Variants in TMEM131 observed in about 807,000 individuals in gnomAD.
The protein encoded by TMEM131 is 2610524E03Rik.
In TMEM131, 66 loss-of-function variants were observed where a neutral mutation model predicts 211.6. The observed-to-expected ratio is 0.31, with a 90% confidence interval of 0.26 to 0.38. TMEM131 has a LOEUF of 0.38. Among genes scored for constraint, TMEM131 ranks in the 10% least tolerant of loss-of-function variants. TMEM131 has a pLI of 1.00. For synonymous variants in TMEM131, 844 were observed against 841.3 expected (o/e 1.00, Z -0.06); for missense variants, 2,036 against 2,299.3 (o/e 0.89, Z 2.34).
At chr2:97,980,161 T>C (rs1679723099) in intron 1 of TMEM131, among the ~76,000 whole-genome samples, 1 of 151,962 alleles carries the variant, frequency 6.6e-6, no homozygotes, top group South Asian at 2.1e-4. Context: ...ACATCAAAGA[T>C]CACTGATTGC....
chr2:97,828,402 C>T (rs958736055), intron 11 of TMEM131, among the ~76,000 whole-genome samples: 1 of 151,986 alleles, frequency 6.6e-6, no homozygotes, highest in Non-Finnish European at 1.5e-5. Flanking sequence ...GGAAATCAGA[C>T]ATAGGGTCTG....
At chr2:97,830,165 A>T (rs1357865332) in intron 11 of TMEM131, among the ~76,000 whole-genome samples, 2 of 149,864 alleles carry the variant, frequency 1.3e-5, no homozygotes, top group African/African-American at 4.9e-5. Flanking sequence ...AACCAAACCC[A>T]AATTGTTAAA....
At chr2:97,838,115 T>C (rs1397314847) in intron 7 of TMEM131, among the ~76,000 whole-genome samples, 1 of 152,190 alleles carries the variant, frequency 6.6e-6, no homozygotes, top group Non-Finnish European at 1.5e-5. Context: ...AATGGGACAT[T>C]TGAGTTGTTT....
intron 4 of TMEM131, among the ~76,000 whole-genome samples, chr2:97,870,495 A>C (rs897326005): frequency 6.6e-6 from 1 of 152,174 alleles, no homozygotes; most frequent in Non-Finnish European, 1.5e-5. Context: ...TGAAGCAGGC[A>C]TACAGCTGTT....
At chr2:97,774,315 C>T (rs907002234) in intron 32 of TMEM131, among the ~76,000 whole-genome samples, 1 of 152,194 alleles carries the variant, frequency 6.6e-6, no homozygotes, top group African/African-American at 2.4e-5. Flanking sequence ...TGCTCAATTC[C>T]TATGTGTTGA....
intron 2 of TMEM131, among the ~76,000 whole-genome samples, chr2:97,916,898 GTCAACACCCAATAAATATGACTTA>G (rs1676530337): frequency 6.6e-6 from 1 of 152,086 alleles, no homozygotes; most frequent in African/African-American, 2.4e-5. Flanking sequence ...TACCTGACTT[GTCAACACCCAATAAATATGACTTA>G]TATTTATTAT....
At chr2:97,984,450 G>T (rs1306999723) in intron 1 of TMEM131, among the ~76,000 whole-genome samples, 1 of 151,930 alleles carries the variant, frequency 6.6e-6, no homozygotes, top group Non-Finnish European at 1.5e-5. Flanking sequence ...AAGAAAAGAG[G>T]TTTACTTGAC....
chr2:97,978,606 A>G (rs936832814), intron 1 of TMEM131, among the ~76,000 whole-genome samples: 4 of 152,080 alleles, frequency 2.6e-5, no homozygotes, highest in Non-Finnish European at 5.9e-5. Flanking sequence ...GAGGTCCTTG[A>G]ACTCCTGGGC....
intron 31 of TMEM131, among the ~76,000 whole-genome samples, chr2:97,789,479 A>C (rs1396198621): frequency 1.3e-5 from 2 of 152,196 alleles, no homozygotes; most frequent in African/African-American, 4.8e-5. Context: ...TGTTCTCTTC[A>C]CTTTAAAAAT....
intron 1 of TMEM131, among the ~76,000 whole-genome samples, chr2:97,945,834 C>T (rs906151976): frequency 1.3e-5 from 2 of 152,032 alleles, no homozygotes; most frequent in South Asian, 2.1e-4. Context: ...AAAATCTCAA[C>T]GTTTGAACAC....
intron 2 of TMEM131, among the ~76,000 whole-genome samples, chr2:97,918,958 A>T (rs1676625770): frequency 6.6e-6 from 1 of 152,196 alleles, no homozygotes; most frequent in South Asian, 2.1e-4. Flanking sequence ...TGGCTCATTC[A>T]CGTGATGGGA....
chr2:97,778,545 C>T (rs1168082959), intron 31 of TMEM131, among the ~76,000 whole-genome samples: 4 of 148,456 alleles, frequency 2.7e-5, no homozygotes, highest in Admixed American at 2.0e-4. Flanking sequence ...AGCAAGACTT[C>T]ATCTCAAAAA....
chr2:97,823,397 C>G (rs2105016499), intron 11 of TMEM131, among the ~76,000 whole-genome samples: 1 of 152,266 alleles, frequency 6.6e-6, no homozygotes, highest in African/African-American at 2.4e-5. Flanking sequence ...GATAGGTATA[C>G]AGATGTCCTA....
At chr2:97,993,006 G>A (rs951917004) in intron 1 of TMEM131, among the ~76,000 whole-genome samples, 1 of 152,128 alleles carries the variant, frequency 6.6e-6, no homozygotes, top group Non-Finnish European at 1.5e-5. Flanking sequence ...TTAAGACAAG[G>A]AATGGTCCAT....
chr2:97,785,429 C>T (rs1247972742), intron 31 of TMEM131, among the ~76,000 whole-genome samples: 2 of 152,138 alleles, frequency 1.3e-5, no homozygotes, highest in African/African-American at 4.8e-5. Context: ...TATTCAATAT[C>T]ATTATCCATT....
chr2:97,872,590 G>A (rs1159113811), intron 4 of TMEM131, among the ~76,000 whole-genome samples: 1 of 152,112 alleles, frequency 6.6e-6, no homozygotes, highest in Non-Finnish European at 1.5e-5. Flanking sequence ...TACAGCCCAC[G>A]GAGGGCGAGC....
At position 97,841,880 on chromosome 2, in the gene TMEM131, C is replaced by T; in HGVS notation, c.658G>A (p.Val220Ile). 1 of 1,597,724 alleles carries T rather than the reference C, an allele frequency of 6.3e-7. No individual in the cohort carries two copies. Residue 220 changes from valine to isoleucine, a missense_variant, in exon 7 of 41, where the codon GTC becomes ATC. This residue lies in a region of TMEM131 where 277 missense variants were observed against 378.0 expected (regional missense o/e 0.73). Coordinates refer to ENST00000186436, the MANE Select transcript of TMEM131 (RefSeq NM_015348.2). ...GGTGAGAAACTGCTATTCACAGGGA[C>T]TCTGGCCCCAAGGAACGGCCTCAAT... ...YRLRPFLGAR[V>I]PVNSSFSPII...
At chr2:97,939,733 T>A (rs1417143847) in intron 1 of TMEM131, among the ~76,000 whole-genome samples, 1 of 152,146 alleles carries the variant, frequency 6.6e-6, no homozygotes, top group African/African-American at 2.4e-5. Context: ...AAAAGAATTT[T>A]AGACCAATAT....
chr2:97,814,400 A>C lies in TMEM131; in HGVS notation c.1293-12T>G. ...CAAATCCCAAATAACTATTAAAAAAAACAACAAGAACAAAATAAATCATTT... is the reference window on the plus strand; with the variant it reads ...CAAATCCCAAATAACTATTAAAAAACACAACAAGAACAAAATAAATCATTT... On this transcript the variant is annotated splice_polypyrimidine_tract_variant and intron_variant, in intron 13 of 40. Coordinates refer to ENST00000186436, the MANE Select transcript of TMEM131 (RefSeq NM_015348.2). 6.4e-7 allele frequency: 1 copy of C among 1,569,938 alleles called. No individual in the cohort carries two copies. The highest frequency in any genetic ancestry group is 1.2e-5 in the South Asian group (1 of 84,138).
Sources: gnomAD v4.1 joint callset for allele counts (sites outside exome capture counted in the v4.1 genomes callset) on GRCh38, gnomAD v4.1.1 for gene constraint, gnomAD v4.1.1 regional missense constraint, MANE v1.5 for transcripts, NCBI Gene and HGNC (gene_info 2026-07-23, HGNC 2026-07-21) for gene names.